The following USP44 variants were observed in gnomAD, a reference collection of about 807,000 sequenced individuals.
USP44 encodes the protein ubiquitin carboxyl-terminal hydrolase 44.
A neutral mutation model predicts 69.0 loss-of-function variants in USP44; 61 were observed. The observed-to-expected ratio is 0.88, with a 90% CI of 0.72 to 1.09. The LOEUF is 1.09. USP44 is among the 50% of genes least tolerant of loss of function. USP44 has a pLI of 0.00. For missense variants in USP44, 753 were observed against 849.9 expected (o/e 0.89, Z 1.42); for synonymous variants, 297 against 295.4 (o/e 1.01, Z -0.06).
chr12:95,525,316 T>G (rs1171340334), intron 3 of USP44, among the ~76,000 whole-genome samples: 4 of 152,134 alleles, frequency 2.6e-5, no homozygotes, highest in Admixed American at 6.5e-5. Flanking sequence ...GTGATCCACC[T>G]GCCTCGTCCT....
At position 95,548,175 on chromosome 12, in the gene USP44, G is replaced by A. The variant is rs961397617; in HGVS notation, c.-71+3097C>T. On this transcript the variant is annotated intron_variant, in intron 1 of 5. Transcript: ENST00000258499. The surrounding 1 kb of genome is among the most constrained non-coding windows in gnomAD (Gnocchi z 4.1). ...CGCGGGGACCGATCGATGGAGAGAA[G>A]GCGGGCAAGACGCCGGGAAGCGCAT... 2.0e-5 allele frequency: 3 copies of A among 152,250 alleles called. No individual in the cohort carries two copies. The highest frequency in any genetic ancestry group is 7.2e-5 in the African/African-American group (3 of 41,454). The allele number at this position is 152,250 out of a possible 1,614,324, so 9.4% of individuals were successfully genotyped here.
chr12:95,519,442 T>C (rs967656064), intron 5 of USP44, among the ~76,000 whole-genome samples: 4 of 135,620 alleles, frequency 2.9e-5, no homozygotes, highest in Admixed American at 1.5e-4. Flanking sequence ...ATTTTTTTTT[T>C]TTTTTTTTTT....
In USP44 at chr12:95,534,182, C is replaced by A; in HGVS notation, c.75G>T (p.Gln25His). 6.2e-7 allele frequency: 1 copy of A among 1,614,150 alleles called. No individual in the cohort carries two copies. The highest frequency in any genetic ancestry group is 8.5e-7 in the Non-Finnish European group (1 of 1,180,030). ...LAQDHSSLNP[Q>H]KWHCVDCNTT... ...TGTTGCAGTCCACACAGTGCCATTTCTGAGGGTTGAGGCTGGAATGGTCTT... is the reference window on the plus strand; with the variant it reads ...TGTTGCAGTCCACACAGTGCCATTTATGAGGGTTGAGGCTGGAATGGTCTT... The change falls in exon 2 of 6, where the codon CAG becomes CAT. Residue 25 changes from glutamine (Q) to histidine (H), a missense_variant. By Grantham distance (24) the Gln-to-His change is conservative. Transcript: ENST00000258499.
At chr12:95,531,426 G>C (rs2077017281) in intron 2 of USP44, among the ~76,000 whole-genome samples, 1 of 152,062 alleles carries the variant, frequency 6.6e-6, no homozygotes. Flanking sequence ...TTTACCAATG[G>C]ATTGTGGGGT....
At chr12:95,543,872 C>T (rs545183641) in intron 1 of USP44, among the ~76,000 whole-genome samples, 125 of 132,708 alleles carry the variant, frequency 9.4e-4, no homozygotes, top group Middle Eastern at 5.6e-3. Flanking sequence ...GAGGCTGAGG[C>T]AGAAGAATGG....
chr12:95,536,039 CTTTTTT>C (rs397821709), intron 1 of USP44, among the ~76,000 whole-genome samples: 10 of 97,524 alleles, frequency 1.0e-4, no homozygotes, highest in African/African-American at 3.4e-4. Context: ...CTTTTTTTTC[CTTTTTT>C]TTTTTTTTTT....
intron 5 of USP44, among the ~76,000 whole-genome samples, chr12:95,519,234 G>A (rs866313938): frequency 6.6e-6 from 1 of 151,990 alleles, no homozygotes; most frequent in African/African-American, 2.4e-5. Flanking sequence ...TATGCACTCT[G>A]TTAATGAAAC....
intron 2 of USP44, among the ~76,000 whole-genome samples, chr12:95,529,617 C>T (rs553993805): frequency 6.6e-6 from 1 of 152,070 alleles, no homozygotes; most frequent in Non-Finnish European, 1.5e-5. Context: ...AACGGGCTTT[C>T]GCCATGTTGG....
chr12:95,542,034 C>A (rs1592739028), intron 1 of USP44, among the ~76,000 whole-genome samples: 1 of 152,188 alleles, frequency 6.6e-6, no homozygotes, highest in Non-Finnish European at 1.5e-5. Flanking sequence ...GCGTGTGACA[C>A]CATGCCTGGC....
rs774896577 is a variant in USP44 at position 95,521,125 on chromosome 12, C to T, written c.1811G>A (p.Cys604Tyr). Residue 604 changes from cysteine to tyrosine, a missense_variant, in exon 5 of 6, where the codon TGC becomes TAC. Transcript: ENST00000258499. ...GAGGGATTTCAGGGTCTCCCTGCAG[C>T]AATAGGGCTCCATGTTTAAGATTTC... Reference protein sequence around the residue: ...FEEILNMEPYCCRETLKSLRP... With the variant: ...FEEILNMEPYYCRETLKSLRP... 6.2e-6 allele frequency: 10 copies of T among 1,614,048 alleles called. No individual in the cohort carries two copies. The East Asian group carries it at 2.0e-4, about 32-fold the overall frequency.
Position 95,517,514 on chromosome 12 carries a change from A to AGTT in USP44, c.*637_*639dup, listed in dbSNP as rs2076511633. 6.6e-6 allele frequency: 1 copy of AGTT among 152,168 alleles called. No individual in the cohort carries two copies. Among genetic ancestry groups the AGTT allele is most frequent in the Non-Finnish European group, 1.5e-5 (1 of 68,032 alleles). 9.4% of individuals were successfully genotyped at this position (152,168 alleles called of 1,614,324 possible). On this transcript the variant is annotated 3_prime_UTR_variant, in exon 6 of 6. Transcript: ENST00000258499. ...ATTTTTTTCATGTCCATAGTTCCAG[A>AGTT]GTTCACTTAAATATACTATTTGTAA...
intron 3 of USP44, among the ~76,000 whole-genome samples, chr12:95,525,924 C>A (rs979490574): frequency 2.6e-5 from 4 of 152,222 alleles, no homozygotes; most frequent in African/African-American, 9.6e-5. Flanking sequence ...AAGCCACCTT[C>A]GCTGGCCTTT....
intron 1 of USP44, among the ~76,000 whole-genome samples, chr12:95,547,661 C>T (rs988473160): frequency 1.3e-5 from 2 of 152,184 alleles, no homozygotes; most frequent in Non-Finnish European, 2.9e-5. Flanking sequence ...AAGTCACCAC[C>T]CCTACTTTCA....
intron 3 of USP44, among the ~76,000 whole-genome samples, chr12:95,526,661 C>T (rs1009617668): frequency 6.6e-6 from 1 of 152,054 alleles, no homozygotes; most frequent in African/African-American, 2.4e-5. Context: ...TAAAGTCATT[C>T]CAGGAAACCA....
intron 1 of USP44, among the ~76,000 whole-genome samples, chr12:95,536,045 T>TC (rs1317122010): frequency 8.3e-5 from 12 of 144,276 alleles, no homozygotes; most frequent in Admixed American, 5.4e-4. Flanking sequence ...TTTCCTTTTT[T>TC]TTTTTTTTTT....
chr12:95,533,578 T>C lies in USP44; in HGVS notation c.679A>G (p.Ile227Val), dbSNP rs775936160. 5 of 1,613,488 alleles carry C rather than the reference T, an allele frequency of 3.1e-6. No homozygotes were observed. Among genetic ancestry groups the C allele is most frequent in the Non-Finnish European group, 4.2e-6 (5 of 1,179,962 alleles). ...TGTGCTGGCACCTGAACAGAAACTA[T>C]TTCTATTATGGTCGACTGAGCGAGC... ...QGLAQSTIIEIVSVQVPAQTP... is the reference protein window; with the variant it reads ...QGLAQSTIIEVVSVQVPAQTP... The change falls in exon 2 of 6, where the codon ATA (isoleucine) becomes GTA (valine). Residue 227 changes from isoleucine to valine, a missense_variant. Physicochemically the swap from Ile to Val is conservative, Grantham distance 29. Transcript: ENST00000258499.
chr12:95,530,111 A>C (rs2076972206), intron 2 of USP44, among the ~76,000 whole-genome samples: 1 of 152,246 alleles, frequency 6.6e-6, no homozygotes, highest in Non-Finnish European at 1.5e-5. Context: ...ATATGATATG[A>C]AATATTATAA....
chr12:95,519,208 T>G (rs558744192), intron 5 of USP44, among the ~76,000 whole-genome samples: 4 of 146,054 alleles, frequency 2.7e-5, no homozygotes, highest in Non-Finnish European at 6.1e-5. Context: ...GATTGCTCAA[T>G]GTACAAACTT....
At chr12:95,518,485 T>C (rs764155899) in intron 5 of USP44, 132 bp from the exon 6 acceptor site, 34 of 902,272 alleles carry the variant, frequency 3.8e-5, no homozygotes, top group Non-Finnish European at 4.8e-5. Flanking sequence ...ATGAGAAATA[T>C]AGATTGGGCA....
Sources: allele counts gnomAD v4.1 joint callset (sites outside exome capture counted in the v4.1 genomes callset), GRCh38; gene constraint gnomAD v4.1.1; non-coding constraint Gnocchi (gnomAD v3.1); transcripts MANE v1.5; gene names NCBI Gene and HGNC (gene_info 2026-07-23, HGNC 2026-07-21).